The following ABLIM3 variants were observed in gnomAD, a reference collection of about 807,000 sequenced individuals.
ABLIM3 encodes actin-binding LIM protein 3.
ABLIM3 carries 61 observed loss-of-function variants against 109.5 expected under a neutral mutation model. The ratio of observed to expected loss-of-function variants is 0.56; its 90% confidence interval spans 0.45 to 0.69. The LOEUF is 0.69. Among genes scored for constraint, ABLIM3 ranks in the 30% least tolerant of loss-of-function variants. The probability of loss-of-function intolerance (pLI) is 0.00; values close to 1 mark genes in which losing one functional copy is unlikely to be tolerated. For missense variants in ABLIM3, 796 were observed against 889.5 expected, an observed-to-expected ratio of 0.89 and a Z score of 1.34; for synonymous variants, 300 against 324.8, an observed-to-expected ratio of 0.92 and a Z score of 0.82.
chr5:149,158,121 T>C (rs1391827584), intron 2 of ABLIM3, among the ~76,000 whole-genome samples: 2 of 152,226 alleles, frequency 1.3e-5, no homozygotes, highest in African/African-American at 2.4e-5. Flanking sequence ...ATTCTTATAA[T>C]TACAGGTCAT....
At chr5:149,156,476 G>A (rs1753873763) in intron 2 of ABLIM3, among the ~76,000 whole-genome samples, 1 of 152,122 alleles carries the variant, frequency 6.6e-6, no homozygotes. Context: ...GTACTATTTT[G>A]GGAAAACCCC....
chr5:149,173,544 G>C (rs1755636790), intron 2 of ABLIM3, among the ~76,000 whole-genome samples: 1 of 152,170 alleles, frequency 6.6e-6, no homozygotes, highest in African/African-American at 2.4e-5. Flanking sequence ...TGGGGCAGAA[G>C]GGGACCTGGA....
intron 2 of ABLIM3, among the ~76,000 whole-genome samples, chr5:149,173,795 G>T (rs1366121363): frequency 6.6e-6 from 1 of 152,114 alleles, no homozygotes; most frequent in Non-Finnish European, 1.5e-5. Flanking sequence ...GCCGAGGCGG[G>T]TGGATCACGA....
intron 8 of ABLIM3, 60 bp downstream of exon 8, chr5:149,217,106 C>A: frequency 6.8e-7 from 1 of 1,469,722 alleles, no homozygotes; most frequent in Non-Finnish European, 9.5e-7. Flanking sequence ...AAAGGAGATG[C>A]GATCTTCAGG....
intron 2 of ABLIM3, among the ~76,000 whole-genome samples, chr5:149,172,153 T>G (rs1184085574): frequency 6.6e-6 from 1 of 152,226 alleles, no homozygotes; most frequent in Non-Finnish European, 1.5e-5. Flanking sequence ...TTAAATTATG[T>G]GTGCAACCCA....
chr5:149,142,015 A>C lies in ABLIM3; in HGVS notation c.-81A>C, dbSNP rs1287698001. On this transcript the variant is annotated 5_prime_UTR_variant, in exon 2 of 24. Coordinates refer to ENST00000309868, the MANE Select transcript of ABLIM3 (RefSeq NM_014945.5). ...CTGCCTTTTCACCCCCCAGGTGATG[A>C]GTGAGGTTCGAAGAACGGAAGATTT... 2.5e-6 allele frequency: 4 copies of C among 1,604,910 alleles called. No individual in the cohort carries two copies. In the African/African-American group the frequency reaches 5.4e-5, roughly 21 times the overall value.
intron 2 of ABLIM3, among the ~76,000 whole-genome samples, chr5:149,174,994 C>T (rs1755792198): frequency 6.6e-6 from 1 of 152,188 alleles, no homozygotes; most frequent in African/African-American, 2.4e-5. Flanking sequence ...GCTATTTTTA[C>T]AGGCTCCTCT....
chr5:149,244,197 C>T (rs1753125977), intron 15 of ABLIM3: 1 of 152,774 alleles, frequency 6.5e-6, no homozygotes, highest in Non-Finnish European at 1.5e-5. Flanking sequence ...TTTTGGTCAC[C>T]CCTGTCCTGG....
intron 5 of ABLIM3, among the ~76,000 whole-genome samples, chr5:149,203,957 G>C (rs11168095): frequency 0.028 from 4,291 of 152,304 alleles, 109 homozygotes; most frequent in African/African-American, 0.054. Context: ...ATGAGTAATG[G>C]AACTAGAATG....
chr5:149,255,360 G>A (rs925135455), intron 23 of ABLIM3, among the ~76,000 whole-genome samples: 15 of 152,202 alleles, frequency 9.9e-5, no homozygotes, highest in African/African-American at 2.2e-4. Flanking sequence ...AACAGAGACC[G>A]CTGCCCTCTT....
Position 149,259,334 on chromosome 5 carries a change from T to C in ABLIM3, c.*930T>C. ...TTAGCCTTATTACAATCTATGTGCC[T>C]GACAACTCAACACACCGCAGGGCTA... On this transcript the variant is annotated 3_prime_UTR_variant, in exon 24 of 24. Coordinates refer to ENST00000309868, the MANE Select transcript of ABLIM3 (RefSeq NM_014945.5). The C allele has an allele frequency of 1.4e-6, 2 of 1,429,826 alleles. No homozygotes were observed. Among genetic ancestry groups the C allele is most frequent in the Non-Finnish European group, 1.8e-6 (2 of 1,095,492 alleles). 88.6% of individuals were successfully genotyped at this position (1,429,826 alleles called of 1,614,324 possible). A position where few individuals can be genotyped will look rare whatever the true frequency, so the allele number is the denominator to read the frequency against.
At chr5:149,203,363 T>C (rs1048212011) in intron 5 of ABLIM3, among the ~76,000 whole-genome samples, 3 of 152,178 alleles carry the variant, frequency 2.0e-5, no homozygotes, top group South Asian at 4.2e-4. Context: ...TGACTGTTAC[T>C]GTTGCCAGAT....
intron 2 of ABLIM3, among the ~76,000 whole-genome samples, chr5:149,175,707 G>A (rs1269754436): frequency 2.0e-5 from 3 of 152,240 alleles, no homozygotes; most frequent in Non-Finnish European, 4.4e-5. Context: ...ACTCTGCGAT[G>A]TTATGGGCTG....
chr5:149,257,245 G>T (rs1317340082), intron 23 of ABLIM3, among the ~76,000 whole-genome samples: 1 of 151,816 alleles, frequency 6.6e-6, no homozygotes, highest in Non-Finnish European at 1.5e-5. Flanking sequence ...GGTGGAGTTT[G>T]CAGTGAGTTG....
intron 7 of ABLIM3, among the ~76,000 whole-genome samples, chr5:149,215,711 C>T (rs898112667): frequency 1.1e-4 from 16 of 152,266 alleles, no homozygotes; most frequent in Admixed American, 3.3e-4. Flanking sequence ...CCTGCCCTGA[C>T]GTTGCAAAAT....
At chr5:149,159,727 G>A (rs900303338) in intron 2 of ABLIM3, among the ~76,000 whole-genome samples, 9 of 152,164 alleles carry the variant, frequency 5.9e-5, no homozygotes, top group African/African-American at 2.2e-4. Flanking sequence ...TTTCAACTAT[G>A]TAACACCTGT....
chr5:149,191,927 G>A (rs1055745125), intron 3 of ABLIM3, among the ~76,000 whole-genome samples: 5 of 152,110 alleles, frequency 3.3e-5, no homozygotes, highest in South Asian at 2.1e-4. Flanking sequence ...GCACGATCTC[G>A]GCTCACTGCA....
rs938498072 is a variant in ABLIM3, at chr5:149,255,172, G to A, written c.1938+2335G>A. On this transcript the variant is annotated intron_variant, in intron 23 of 23. Transcript: ENST00000309868. The stretch of plus-strand genomic sequence containing the variant: ...TGATGACAGAATCAGAGTTTGAACC[G>A]AGGGAGCTTAACTACACAGTGCTGC... Among the ~76,000 whole-genome samples, 4 of 152,220 alleles carry A rather than the reference G, an allele frequency of 2.6e-5. No individual in the cohort carries two copies. In the East Asian group the frequency reaches 5.8e-4, roughly 22 times the overall value.
chr5:149,205,642 A>G (rs959776480), intron 5 of ABLIM3, among the ~76,000 whole-genome samples: 3 of 152,206 alleles, frequency 2.0e-5, no homozygotes, highest in African/African-American at 7.2e-5. Flanking sequence ...GTAGACTTAT[A>G]GACTTACCCC....
Sources: allele counts gnomAD v4.1 joint callset (sites outside exome capture counted in the v4.1 genomes callset), GRCh38; gene constraint gnomAD v4.1.1; transcripts MANE v1.5; gene names NCBI Gene and HGNC (gene_info 2026-07-23, HGNC 2026-07-21).